Variants in FASN observed in about 807,000 individuals in gnomAD.
FASN encodes the protein fatty acid synthase.
A neutral mutation model predicts 250.0 loss-of-function variants in FASN; 50 were observed. That is an observed-to-expected ratio of 0.20 (90% CI 0.16 to 0.25). The LOEUF (loss-of-function observed/expected upper bound fraction) is 0.25, where lower values mean the gene tolerates loss of function less well. Ranked by LOEUF, FASN falls within the 10% of genes least tolerant of loss-of-function variation. The pLI is 1.00. For synonymous variants in FASN, 1,909 were observed against 1,584.0 expected (o/e 1.21, Z -4.87); for missense variants, 3,031 against 3,498.5 (o/e 0.87, Z 3.37).
Position 82,093,244 on chromosome 17 carries a change from G to A in FASN, c.630C>T (p.Gly210=), listed in dbSNP as rs200297214. The change falls in exon 5 of 43, where the codon GGC becomes GGT. Residue 210 remains glycine, a synonymous_variant. Coordinates refer to ENST00000306749, the MANE Select transcript of FASN (RefSeq NM_004104.5). Reference sequence around the variant, plus strand: ...CCGCTGTGTCGAAGGCCTTGCAGGTGCCCTCGGGGCTGAGCATCCCCAGCC... The same window carrying A: ...CCGCTGTGTCGAAGGCCTTGCAGGTACCCTCGGGGCTGAGCATCCCCAGCC... ...FLRLGMLSPE[G]TCKAFDTAGN... is the part of the protein sequence containing the mutation. 9 of 1,588,678 alleles carry A rather than the reference G, an allele frequency of 5.7e-6. No individual in the cohort carries two copies. The highest frequency in any genetic ancestry group is 7.7e-6 in the Non-Finnish European group (9 of 1,168,474).
intron 30 of FASN, 26 bp downstream of exon 30, chr17:82,083,746 A>AGGTGGGGGC (rs1209053183): frequency 2.5e-6 from 4 of 1,610,980 alleles, no homozygotes; most frequent in East Asian, 2.2e-5. Context: ...GGCAGGAGGC[A>AGGTGGGGGC]GGTGGGGGCT....
In FASN at chr17:82,081,846, GT is replaced by G; in HGVS notation, c.6164-4del. 8.7e-6 allele frequency: 14 copies of G among 1,602,368 alleles called. No individual in the cohort carries two copies. The highest frequency in any genetic ancestry group is 1.2e-5 in the Non-Finnish European group (14 of 1,176,948). ...GGCGCCCCACTGCACGGCCAGGCCT[GT>G]GGGGGAGGGGGCAGGTGGGCAGAGC... is the stretch of plus-strand genomic sequence containing the variant. On this transcript the variant is annotated splice_region_variant and splice_polypyrimidine_tract_variant and intron_variant, in intron 36 of 42. Transcript: ENST00000306749.
At chr17:82,095,675 ACAAGCCC>A (rs370176873) in intron 2 of FASN, among the ~76,000 whole-genome samples, 3 of 152,168 alleles carry the variant, frequency 2.0e-5, no homozygotes, top group Non-Finnish European at 2.9e-5. Flanking sequence ...GATCTGCTGC[ACAAGCCC>A]CAAGCCCCAA....
chr17:82,087,109 G>C lies in FASN; in HGVS notation c.3368C>G (p.Thr1123Arg), dbSNP rs760902072. 1 of 1,612,058 alleles carries C rather than the reference G, an allele frequency of 6.2e-7. No individual in the cohort carries two copies. Among genetic ancestry groups the C allele is most frequent in the South Asian group, 1.1e-5 (1 of 90,970 alleles). The change falls in exon 21 of 43, where the codon ACG (threonine) becomes AGG (arginine). Residue 1123 changes from threonine (T) to arginine (R), a missense_variant. Thr to Arg is a moderately conservative substitution (Grantham distance 71). Transcript: ENST00000306749. ...ILEKFCFTPH[T>R]EEGCLSERAA... is the part of the protein sequence containing the mutation. ...GCGCTCAGACAGGCACCCCTCCTCCGTGTGGGGAGTGAAGCAAAACTTCTC... is the reference window on the plus strand; with the variant it reads ...GCGCTCAGACAGGCACCCCTCCTCCCTGTGGGGAGTGAAGCAAAACTTCTC...
Position 82,092,793 on chromosome 17 carries a change from C to T in FASN, c.798G>A (p.Gly266=). Residue 266 remains glycine, a synonymous_variant, in exon 7 of 43, where the codon GGG becomes GGA. Coordinates refer to ENST00000306749, the MANE Select transcript of FASN (RefSeq NM_004104.5). ...AGCGGATGAGCTGCTCCTGGATATCCCCTGAGGGGAAGGTCACGCCTGCGG... is the reference window on the plus strand; with the variant it reads ...AGCGGATGAGCTGCTCCTGGATATCTCCTGAGGGGAAGGTCACGCCTGCGG... ...FKEQGVTFPS[G]DIQEQLIRSL... is the part of the protein sequence containing the mutation. The T allele has an allele frequency of 6.2e-7, 1 of 1,602,226 alleles. No individual in the cohort carries two copies. The highest frequency in any genetic ancestry group is 8.5e-7 in the Non-Finnish European group (1 of 1,175,624).
rs771895175 is a variant in FASN at position 82,082,276 on chromosome 17, G to C, written c.6011+47C>G. 1.9e-6 allele frequency: 3 copies of C among 1,608,546 alleles called. No homozygotes were observed. The African/African-American group carries it at 4.0e-5, about 21-fold the overall frequency. On this transcript the variant is annotated intron_variant, in intron 35 of 42. Transcript: ENST00000306749. ...AAACCACCTTGGCTCCCACGGCCCTGAGCCCAGAGCCCGGCAGAGGCGGGA... is the reference window on the plus strand; with the variant it reads ...AAACCACCTTGGCTCCCACGGCCCTCAGCCCAGAGCCCGGCAGAGGCGGGA...
chr17:82,086,175 G>C, intron 22 of FASN, 79 bp downstream of exon 22: 4 of 1,532,862 alleles, frequency 2.6e-6, no homozygotes, highest in Non-Finnish European at 3.5e-6. Context: ...CCCCGTGTCT[G>C]TGCTGTCTCC....
rs539392436 is a variant in FASN at position 82,091,774 on chromosome 17, G to A, written c.1030-90C>T. On this transcript the variant is annotated intron_variant, in intron 8 of 42. Coordinates refer to ENST00000306749, the MANE Select transcript of FASN (RefSeq NM_004104.5). ...AGGCACCTCCCCGAGACTCTCATGT[G>A]GGGCCAGGGTTCCAGGGCCCTCTCC... 1.8e-3 allele frequency: 2,205 copies of A among 1,229,548 alleles called. 3 individuals are homozygous for A. The highest frequency in any genetic ancestry group is 2.3e-3 in the Non-Finnish European group (2,047 of 893,516). 76.2% of individuals were successfully genotyped at this position (1,229,548 alleles called of 1,614,324 possible).
At chr17:82,093,834 C>T in intron 3 of FASN, 63 bp from the exon 4 acceptor site, 1 of 1,475,048 alleles carries the variant, frequency 6.8e-7, no homozygotes. Context: ...CCCACCCACC[C>T]ACCCGGCTCT....
Position 82,080,463 on chromosome 17 carries a change from G to A in FASN, c.6954C>T (p.Cys2318=). The A allele has an allele frequency of 6.3e-7, 1 of 1,588,480 alleles. No homozygotes were observed. Among genetic ancestry groups the A allele is most frequent in the Non-Finnish European group, 8.6e-7 (1 of 1,168,244 alleles). ...GGCTCTGCTGGGCCTGCAGCTGGGA[G>A]CACATTTCAAAGGCCACGCAGGCCC... is the stretch of plus-strand genomic sequence containing the variant. ...SYGACVAFEM[C]SQLQAQQSPA... is the part of the protein sequence containing the mutation. Residue 2318 remains cysteine (C), a synonymous_variant, in exon 40 of 43, where the codon TGC becomes TGT. Transcript: ENST00000306749.
chr17:82,083,646 G>A lies in FASN; in HGVS notation c.5219-7C>T. On this transcript the variant is annotated splice_polypyrimidine_tract_variant and splice_region_variant and intron_variant, in intron 30 of 42. Coordinates refer to ENST00000306749, the MANE Select transcript of FASN (RefSeq NM_004104.5). ...TTCAAGACCAGGTCAACGCCTAGGG[G>A]GCCAGAGGGGCCAGACAATCACACC... 6.2e-7 allele frequency: 1 copy of A among 1,604,292 alleles called. No homozygotes were observed. The highest frequency in any genetic ancestry group is 1.1e-5 in the South Asian group (1 of 89,666).
At position 82,089,265 on chromosome 17, in the gene FASN, C is replaced by T; in HGVS notation, c.2085G>A (p.Leu695=). 1 of 1,612,730 alleles carries T rather than the reference C, an allele frequency of 6.2e-7. No homozygotes were observed. The highest frequency in any genetic ancestry group is 8.5e-7 in the Non-Finnish European group (1 of 1,179,930). The change falls in exon 13 of 43, where the codon CTG becomes CTA. Residue 695 remains leucine (L), a synonymous_variant. Coordinates refer to ENST00000306749, the MANE Select transcript of FASN (RefSeq NM_004104.5). Reference sequence around the variant, plus strand: ...ATTAGTCCACCTTCTTGAGCTCCTGCAGCAGTGGGGGTGCGATGGCCTCCA... The same window carrying T: ...ATTAGTCCACCTTCTTGAGCTCCTGTAGCAGTGGGGGTGCGATGGCCTCCA... ...YFMEAIAPPL[L]QELKKVIREP...
At position 82,086,521 on chromosome 17, in the gene FASN, C is replaced by T. The variant is rs1052078662; in HGVS notation, c.3465G>A (p.Gln1155=). 1.2e-6 allele frequency: 2 copies of T among 1,612,240 alleles called. No individual in the cohort carries two copies. The highest frequency in any genetic ancestry group is 1.3e-5 in the African/African-American group (1 of 74,926). The part of the protein sequence containing the change: ...VQALQTKVTQ[Q]GLKMVVPGLD... ...GTCCGGGCACCACCATCTTCAGCCC[C>T]TGCTGGGTCACCTTGGTCTGCAGTG... Residue 1155 remains glutamine, a synonymous_variant, in exon 22 of 43, where the codon CAG becomes CAA. Transcript: ENST00000306749.
In FASN at chr17:82,080,685, G is replaced by A. The variant is rs1193746520; in HGVS notation, c.6826+7C>T. On this transcript the variant is annotated splice_region_variant and intron_variant, in intron 39 of 42. Coordinates refer to ENST00000306749, the MANE Select transcript of FASN (RefSeq NM_004104.5). ...ACCACCGCTTCCAGAGGAGGGCCCG[G>A]GAGTACCTCGGGTGCACTGCAGGCC... 2.5e-6 allele frequency: 4 copies of A among 1,578,536 alleles called. No homozygotes were observed. The highest frequency in any genetic ancestry group is 4.6e-5 in the East Asian group (2 of 43,456).
At chr17:82,088,712 C>T (rs774405842) in intron 15 of FASN, 49 bp downstream of exon 15, 28 of 1,562,564 alleles carry the variant, frequency 1.8e-5, no homozygotes, top group Admixed American at 1.2e-4. Context: ...ACCCACCCCA[C>T]GCCGTCCCCG....
intron 4 of FASN, 59 bp from the exon 5 acceptor site, chr17:82,093,478 C>T: frequency 1.3e-6 from 2 of 1,579,656 alleles, no homozygotes; most frequent in Non-Finnish European, 1.7e-6. Context: ...CCCCTGAGCA[C>T]ACCTCCTGCC....
At position 82,086,574 on chromosome 17, in the gene FASN, G is replaced by A; in HGVS notation, c.3428-16C>T. ...TGCACCAGCCCTGGGGAGGGAGGGA[G>A]GCAGGCCTGGTGTTCCCAAAGCCCC... On this transcript the variant is annotated splice_polypyrimidine_tract_variant and intron_variant, in intron 21 of 42. Coordinates refer to ENST00000306749, the MANE Select transcript of FASN (RefSeq NM_004104.5). 1.3e-6 allele frequency: 2 copies of A among 1,593,006 alleles called. No homozygotes were observed. The highest frequency in any genetic ancestry group is 1.1e-5 in the South Asian group (1 of 90,602).
rs2034105014 is a variant in FASN at position 82,086,532 on chromosome 17, C to T, written c.3454G>A (p.Val1152Met). 8 of 1,612,026 alleles carry T rather than the reference C, an allele frequency of 5.0e-6. No individual in the cohort carries two copies. The highest frequency in any genetic ancestry group is 6.8e-6 in the Non-Finnish European group (8 of 1,179,956). ...ACCATCTTCAGCCCCTGCTGGGTCA[C>T]CTTGGTCTGCAGTGCCTGCACCAGC... ...KGLVQALQTK[V>M]TQQGLKMVVP... The change falls in exon 22 of 43, where the codon GTG (valine) becomes ATG (methionine). Residue 1152 changes from valine to methionine, a missense_variant. Transcript: ENST00000306749.
Position 82,078,835 on chromosome 17 carries a change from C to T in FASN, c.*308G>A, listed in dbSNP as rs1343284244. 1.0e-5 allele frequency: 5 copies of T among 501,334 alleles called. No individual in the cohort carries two copies. The highest frequency in any genetic ancestry group is 1.8e-5 in the Non-Finnish European group (5 of 273,286). The allele number at this position is 501,334 out of a possible 1,614,324, so 31.1% of individuals were successfully genotyped here. A position where few individuals can be genotyped will look rare whatever the true frequency, so the allele number is the denominator to read the frequency against. On this transcript the variant is annotated 3_prime_UTR_variant, in exon 43 of 43. Transcript: ENST00000306749. This position sits in a 1 kb window ranked among gnomAD's most constrained non-coding sequence, Gnocchi z 5.4. ...TGCAATAAATATGCAAATCCAAGCA[C>T]AGAAAGACCAAGCGCAGACCCCACG...
Sources: gnomAD v4.1 joint callset for allele counts (sites outside exome capture counted in the v4.1 genomes callset) on GRCh38, gnomAD v4.1.1 for gene constraint, Gnocchi (gnomAD v3.1) non-coding constraint, MANE v1.5 for transcripts, NCBI Gene and HGNC (gene_info 2026-07-23, HGNC 2026-07-21) for gene names.